The following IFNAR1 variants were observed in gnomAD, a reference collection of about 807,000 sequenced individuals.
The protein encoded by IFNAR1 is interferon alpha and beta receptor subunit 1.
In IFNAR1, 47 loss-of-function variants were observed where a neutral mutation model predicts 62.1. The ratio of observed to expected loss-of-function variants is 0.76; its 90% CI spans 0.60 to 0.97. IFNAR1 has a LOEUF of 0.97. Ranked by LOEUF, IFNAR1 falls within the 50% of genes least tolerant of loss-of-function variation. The probability of loss-of-function intolerance (pLI) is 0.00; values close to 1 mark genes in which losing one functional copy is unlikely to be tolerated. For synonymous variants in IFNAR1, 219 were observed against 226.9 expected, an observed-to-expected ratio of 0.97 and a Z score of 0.31; for missense variants, 638 against 654.5, an observed-to-expected ratio of 0.97 and a Z score of 0.27.
Position 33,355,528 on chromosome 21 carries a change from A to C in IFNAR1, c.1653A>C (p.Glu551Asp). 6.3e-7 allele frequency: 1 copy of C among 1,590,504 alleles called. No homozygotes were observed. The highest frequency in any genetic ancestry group is 1.1e-5 in the South Asian group (1 of 87,692). The part of the protein sequence containing the change: ...EDESESKTSE[E>D]LQQDFV ...AAAGCGAAAGTAAAACAAGTGAAGA[A>C]CTACAGCAGGACTTTGTATGACCAG... Residue 551 changes from glutamate (E) to aspartate (D), a missense_variant, in exon 11 of 11, where the codon GAA (glutamate) becomes GAC (aspartate). By Grantham distance (45) the Glu-to-Asp change is conservative. Coordinates refer to ENST00000270139, the MANE Select transcript of IFNAR1 (RefSeq NM_000629.3).
intron 3 of IFNAR1, among the ~76,000 whole-genome samples, chr21:33,341,883 G>A (rs1338535198): frequency 6.6e-6 from 1 of 152,060 alleles, no homozygotes; most frequent in African/African-American, 2.4e-5. Context: ...GTTTCTCCAT[G>A]TTGGTCAGGC....
chr21:33,340,362 T>G (rs2083282297), intron 2 of IFNAR1, among the ~76,000 whole-genome samples: 1 of 152,054 alleles, frequency 6.6e-6, no homozygotes, highest in Non-Finnish European at 1.5e-5. Flanking sequence ...TTTAATTTTA[T>G]TTTATTAGAG....
At chr21:33,340,718 A>G (rs1180728215) in intron 2 of IFNAR1, among the ~76,000 whole-genome samples, 2 of 152,168 alleles carry the variant, frequency 1.3e-5, no homozygotes, top group Non-Finnish European at 2.9e-5. Context: ...TCCTGAAGCA[A>G]CCACCCACAA....
At chr21:33,354,422 G>A (rs1186986435) in intron 10 of IFNAR1, among the ~76,000 whole-genome samples, 5 of 152,186 alleles carry the variant, frequency 3.3e-5, no homozygotes, top group South Asian at 2.1e-4. Context: ...TTTGTGATGC[G>A]TTTGTCAGAA....
Position 33,325,109 on chromosome 21 carries a change from A to G in IFNAR1, c.54A>G (p.Pro18=). The change falls in exon 1 of 11, where the codon CCA becomes CCG. Residue 18 remains proline, a synonymous_variant. Coordinates refer to ENST00000270139, the MANE Select transcript of IFNAR1 (RefSeq NM_000629.3). ...ATTLVLVAVA[P]WVLSAAAGGK... ...CCCTAGTGCTCGTCGCCGTGGCGCC[A>G]TGGGTGTTGTCCGCAGCCGCAGGTG... The G allele has an allele frequency of 4.3e-6, 7 of 1,611,566 alleles. No individual in the cohort carries two copies. Among genetic ancestry groups the G allele is most frequent in the Non-Finnish European group, 5.9e-6 (7 of 1,179,574 alleles).
intron 1 of IFNAR1, chr21:33,334,833 T>C: frequency 1.0e-6 from 1 of 974,912 alleles, no homozygotes; most frequent in Non-Finnish European, 1.6e-6. Flanking sequence ...CAGGTGGTGA[T>C]CCAGGGTGAT....
chr21:33,351,074 A>C (rs1031191214), intron 8 of IFNAR1, among the ~76,000 whole-genome samples: 7 of 152,226 alleles, frequency 4.6e-5, no homozygotes, highest in Non-Finnish European at 1.0e-4. Flanking sequence ...ATACTGGATA[A>C]TATATCAATA....
At chr21:33,334,936 A>G (rs1568926938) in intron 1 of IFNAR1, 1 of 1,578,106 alleles carries the variant, frequency 6.3e-7, no homozygotes, top group East Asian at 2.2e-5. Flanking sequence ...GGCAGGGGGT[A>G]CCACATCAGG....
Position 33,355,548 on chromosome 21 carries a change from G to T in IFNAR1, c.1673G>T (p.Ter558LeuextTer48). 4 of 1,527,024 alleles carry T rather than the reference G, an allele frequency of 2.6e-6. No individual in the cohort carries two copies. In the South Asian group the frequency reaches 4.8e-5, roughly 18 times the overall value. The allele number at this position is 1,527,024 out of a possible 1,614,324, so 94.6% of individuals were successfully genotyped here. The change falls in exon 11 of 11, where the codon TGA becomes TTA. Residue 558 changes from the stop codon to leucine, a stop_lost. Transcript: ENST00000270139. ...TSEELQQDFV* is the reference protein window; with the variant it reads ...TSEELQQDFVL Reference sequence around the variant, plus strand: ...GAAGAACTACAGCAGGACTTTGTATGACCAGAAATGAACTGTGTCAAGTAT... The same window carrying T: ...GAAGAACTACAGCAGGACTTTGTATTACCAGAAATGAACTGTGTCAAGTAT...
rs1159590938 is a variant in IFNAR1, at chr21:33,343,345, G to T, written c.454G>T (p.Asp152Tyr). 4 of 1,612,362 alleles carry T rather than the reference G, an allele frequency of 2.5e-6. No homozygotes were observed. The highest frequency in any genetic ancestry group is 1.7e-5 in the Admixed American group (1 of 60,006). ...IVIHISPGTK[D>Y]SVMWALDGLS... Reference sequence around the variant, plus strand: ...GATACACATCTCTCCTGGAACAAAAGATAGTGTTATGTGGGCTTTGGATGG... The same window carrying T: ...GATACACATCTCTCCTGGAACAAAATATAGTGTTATGTGGGCTTTGGATGG... Residue 152 changes from aspartate to tyrosine, a missense_variant, in exon 4 of 11, where the codon GAT becomes TAT. Transcript: ENST00000270139.
intron 1 of IFNAR1, among the ~76,000 whole-genome samples, chr21:33,331,239 CT>C (rs1189910013): frequency 6.6e-6 from 1 of 152,210 alleles, no homozygotes; most frequent in Non-Finnish European, 1.5e-5. Flanking sequence ...AACACACTAC[CT>C]TGGCCACCCA....
At chr21:33,346,361 A>C (rs954945294) in intron 6 of IFNAR1, among the ~76,000 whole-genome samples, 7 of 152,300 alleles carry the variant, frequency 4.6e-5, no homozygotes, top group Admixed American at 3.3e-4. Context: ...AGGGAAGTGT[A>C]AGTACCGCTA....
chr21:33,356,287 C>T lies in IFNAR1; in HGVS notation c.*738C>T, dbSNP rs1201968531. 1 of 152,224 alleles carries T rather than the reference C, an allele frequency of 6.6e-6. No individual in the cohort carries two copies. The highest frequency in any genetic ancestry group is 2.4e-5 in the African/African-American group (1 of 41,450). The allele number at this position is 152,224 out of a possible 1,614,324, so 9.4% of individuals were successfully genotyped here. A position where few individuals can be genotyped will look rare whatever the true frequency, so the allele number is the denominator to read the frequency against. Reference sequence around the variant, plus strand: ...ATTCCTAACATTCTGTTTCATTCTTCCTCGGGAGATATTTCAAACATTTGG... The same window carrying T: ...ATTCCTAACATTCTGTTTCATTCTTTCTCGGGAGATATTTCAAACATTTGG... On this transcript the variant is annotated 3_prime_UTR_variant, in exon 11 of 11. Transcript: ENST00000270139.
chr21:33,329,098 T>G (rs1404947528), intron 1 of IFNAR1, among the ~76,000 whole-genome samples: 1 of 152,208 alleles, frequency 6.6e-6, no homozygotes, highest in Non-Finnish European at 1.5e-5. Flanking sequence ...CCAACATGCC[T>G]GTAACTTCAG....
chr21:33,350,423 T>C (rs773647290), intron 8 of IFNAR1, among the ~76,000 whole-genome samples: 1 of 152,086 alleles, frequency 6.6e-6, no homozygotes, highest in Non-Finnish European at 1.5e-5. Flanking sequence ...AAGTTCAGCT[T>C]TGCCCAACAA....
chr21:33,334,430 G>A, intron 1 of IFNAR1: 1 of 293,840 alleles, frequency 3.4e-6, no homozygotes, highest in South Asian at 3.2e-5. Flanking sequence ...TGTATTCAAA[G>A]TGCTAAAAAA....
At chr21:33,324,900 T>TGTGTGTGTGTGTGTGTGTGTGTGG, upstream of IFNAR1, 1 of 642,098 alleles carries the variant, frequency 1.6e-6, no homozygotes, top group Non-Finnish European at 2.8e-6. Flanking sequence ...GCGGTGTGTG[T>TGTGTGTGTGTGTGTGTGTGTGTGG]GTCAGAAGAG....
At chr21:33,324,951 A>T (rs986426348), upstream of IFNAR1, 1 of 950,922 alleles carries the variant, frequency 1.1e-6, no homozygotes, top group Non-Finnish European at 1.6e-6. Context: ...TAAGAGGGGC[A>T]GCGCGTGTGC....
At chr21:33,346,613 A>G (rs2083349744) in intron 6 of IFNAR1, among the ~76,000 whole-genome samples, 1 of 152,226 alleles carries the variant, frequency 6.6e-6, no homozygotes, top group African/African-American at 2.4e-5. Flanking sequence ...TACTTACCAT[A>G]TTGTACAAAG....
Sources: gnomAD v4.1 joint callset for allele counts (sites outside exome capture counted in the v4.1 genomes callset) on GRCh38, gnomAD v4.1.1 for gene constraint, MANE v1.5 for transcripts, NCBI Gene and HGNC (gene_info 2026-07-23, HGNC 2026-07-21) for gene names.